The following TNN variants were observed in gnomAD, a reference collection of about 807,000 sequenced individuals.
TNN encodes the protein tenascin-N.
Under a neutral mutation model 134.4 loss-of-function variants are expected in TNN, and 122 were observed. That is an observed-to-expected ratio of 0.91 (90% confidence interval 0.78 to 1.06). TNN has a LOEUF of 1.06. TNN is among the 50% of genes least tolerant of loss of function. The pLI is 0.00. For missense variants in TNN, 1,739 were observed against 1,699.4 expected (o/e 1.02, Z -0.41); for synonymous variants, 710 against 670.3 (o/e 1.06, Z -0.91).
Position 175,085,381 on chromosome 1 carries a change from C to G in TNN, c.1235-24C>G, listed in dbSNP as rs1383764212. 4.6e-6 allele frequency: 7 copies of G among 1,521,008 alleles called. No homozygotes were observed. The African/African-American group carries it at 8.3e-5, about 18-fold the overall frequency. The allele number at this position is 1,521,008 out of a possible 1,614,324, so 94.2% of individuals were successfully genotyped here. A position where few individuals can be genotyped will look rare whatever the true frequency, so the allele number is the denominator to read the frequency against. ...AGGGGTCTGGAGCCTGCACTCACAT[C>G]CTGCGCTGCCTGCTTGTTTCCAGGT... On this transcript the variant is annotated intron_variant, in intron 5 of 18. Coordinates refer to ENST00000239462, the MANE Select transcript of TNN (RefSeq NM_022093.2).
At chr1:175,101,440 A>G (rs1674722716) in intron 9 of TNN, among the ~76,000 whole-genome samples, 2 of 150,724 alleles carry the variant, frequency 1.3e-5, no homozygotes, top group Non-Finnish European at 3.0e-5. Context: ...GATTTATTGC[A>G]AAGAGCGAAA....
In TNN at chr1:175,127,990, A is replaced by C. The variant is rs1675573389; in HGVS notation, c.3046-42A>C. 5 of 1,613,226 alleles carry C rather than the reference A, an allele frequency of 3.1e-6. No individual in the cohort carries two copies. In the South Asian group the frequency reaches 5.5e-5, roughly 18 times the overall value. ...GACACCTAGGGTGCTAGTGGGTGAT[A>C]AACTGAGTCACTGGCTGTCTAATCT... is the stretch of plus-strand genomic sequence containing the variant. On this transcript the variant is annotated intron_variant, in intron 13 of 18. Coordinates refer to ENST00000239462, the MANE Select transcript of TNN (RefSeq NM_022093.2).
chr1:175,137,335 G>A (rs1000914479), intron 17 of TNN, among the ~76,000 whole-genome samples: 2 of 149,704 alleles, frequency 1.3e-5, no homozygotes, highest in African/African-American at 4.9e-5. Flanking sequence ...GGCTTTAGCA[G>A]TGTGGCTGTC....
intron 15 of TNN, among the ~76,000 whole-genome samples, chr1:175,130,232 A>G (rs1410585686): frequency 1.3e-5 from 2 of 152,224 alleles, no homozygotes; most frequent in African/African-American, 4.8e-5. Flanking sequence ...TTATTCATTT[A>G]CACATTCACT....
At chr1:175,093,201 T>G (rs1257044017) in intron 6 of TNN, among the ~76,000 whole-genome samples, 1 of 152,224 alleles carries the variant, frequency 6.6e-6, no homozygotes, top group Admixed American at 6.5e-5. Flanking sequence ...TCTGTCTAGA[T>G]GCACTGGCCT....
chr1:175,077,338 C>T (rs1674063248), intron 1 of TNN, 46 bp from the exon 2 acceptor site: 2 of 1,456,642 alleles, frequency 1.4e-6, no homozygotes, highest in Non-Finnish European at 1.9e-6. Flanking sequence ...GCCAGCTTCC[C>T]TCAGCACATC....
At chr1:175,145,714 G>C (rs1402880152) in intron 18 of TNN, among the ~76,000 whole-genome samples, 1 of 151,808 alleles carries the variant, frequency 6.6e-6, no homozygotes, top group Non-Finnish European at 1.5e-5. Flanking sequence ...GTGCGCCCAG[G>C]GCCCAGGGGT....
intron 1 of TNN, among the ~76,000 whole-genome samples, chr1:175,076,788 T>G (rs113217740): frequency 1.3e-4 from 20 of 152,260 alleles, no homozygotes; most frequent in African/African-American, 4.8e-4. Context: ...TGGGGTCAGA[T>G]TGCCTGGGTT....
At chr1:175,139,203 T>G (rs1049069175) in intron 17 of TNN, among the ~76,000 whole-genome samples, 2 of 152,228 alleles carry the variant, frequency 1.3e-5, no homozygotes, top group Non-Finnish European at 2.9e-5. Context: ...TAATAAAAAT[T>G]AACCTTATCT....
At chr1:175,118,858 A>G (rs1675265529) in intron 11 of TNN, 34 bp downstream of exon 11, 1 of 1,611,300 alleles carries the variant, frequency 6.2e-7, no homozygotes, top group South Asian at 1.1e-5. Flanking sequence ...AAACCCGGGT[A>G]GTAGCTGCAG....
At chr1:175,088,092 C>A (rs1287628908) in intron 6 of TNN, among the ~76,000 whole-genome samples, 1 of 152,166 alleles carries the variant, frequency 6.6e-6, no homozygotes, top group Non-Finnish European at 1.5e-5. Context: ...TTTGGGTTCT[C>A]ATGGAGACCT....
intron 17 of TNN, among the ~76,000 whole-genome samples, chr1:175,142,349 G>A (rs1459524717): frequency 1.3e-5 from 2 of 152,172 alleles, no homozygotes; most frequent in African/African-American, 4.8e-5. Context: ...TACCAACTCT[G>A]CATATTCACC....
chr1:175,068,907 TA>T (rs1234937719), intron 1 of TNN, among the ~76,000 whole-genome samples: 1 of 152,110 alleles, frequency 6.6e-6, no homozygotes, highest in Non-Finnish European at 1.5e-5. Context: ...AAACTCCATC[TA>T]AAAAACAAAA....
At position 175,130,613 on chromosome 1, in the gene TNN, A is replaced by T. The variant is rs200559158; in HGVS notation, c.3330+1867A>T. Among the ~76,000 whole-genome samples the T allele has an allele frequency of 8.9e-5, 9 of 101,244 alleles. No individual in the cohort carries two copies. The East Asian group carries it at 5.3e-3, about 60-fold the overall frequency. 66.4% of individuals were successfully genotyped at this position (101,244 alleles called of 152,430 possible). A position where few individuals can be genotyped will look rare whatever the true frequency, so the allele number is the denominator to read the frequency against. On this transcript the variant is annotated intron_variant, in intron 15 of 18. Coordinates refer to ENST00000239462, the MANE Select transcript of TNN (RefSeq NM_022093.2). ...TTTTGTAAGCCAAGCTCCCACACAG[A>T]AGGAGTTATCTGGGGCAACATTTAG...
chr1:175,113,805 C>A (rs567825989), intron 9 of TNN, among the ~76,000 whole-genome samples: 5 of 152,020 alleles, frequency 3.3e-5, no homozygotes, highest in Middle Eastern at 3.4e-3. Flanking sequence ...AATTTATCTT[C>A]AAGTTCAGAG....
chr1:175,095,617 A>G (rs35039562), intron 7 of TNN, among the ~76,000 whole-genome samples: 68,548 of 152,076 alleles, frequency 0.45, 15,505 homozygotes, highest in Non-Finnish European at 0.48. Context: ...TCTCTTGCCC[A>G]GGCTGGAGTG....
chr1:175,101,195 A>C (rs568222479), intron 9 of TNN, among the ~76,000 whole-genome samples: 114 of 151,922 alleles, frequency 7.5e-4, no homozygotes, highest in Middle Eastern at 3.4e-3. Context: ...TGTGATGTTC[A>C]GATGTGTTCG....
chr1:175,094,356 G>A (rs1258712600), intron 7 of TNN, 103 bp downstream of exon 7: 3 of 1,245,152 alleles, frequency 2.4e-6, no homozygotes, highest in Non-Finnish European at 3.2e-6. Flanking sequence ...TCTTTTGTTT[G>A]CAGGAGTGGG....
intron 6 of TNN, among the ~76,000 whole-genome samples, chr1:175,092,420 G>A (rs1478972034): frequency 6.6e-6 from 1 of 152,168 alleles, no homozygotes; most frequent in Non-Finnish European, 1.5e-5. Flanking sequence ...AGCTCACAGT[G>A]CCAGTCACAG....
Sources: allele counts gnomAD v4.1 joint callset (sites outside exome capture counted in the v4.1 genomes callset), GRCh38; gene constraint gnomAD v4.1.1; transcripts MANE v1.5; gene names NCBI Gene and HGNC (gene_info 2026-07-23, HGNC 2026-07-21).